The following RAD51B variants were observed in gnomAD, a reference collection of about 807,000 sequenced individuals.
RAD51B encodes DNA repair protein RAD51 homolog 2.
RAD51B carries 38 observed loss-of-function variants against 42.2 expected under a neutral mutation model. That is an observed-to-expected ratio of 0.90 (90% CI 0.70 to 1.18). The LOEUF (loss-of-function observed/expected upper bound fraction) is 1.18. Among genes scored for constraint, RAD51B ranks in the 50% most tolerant of loss-of-function variants. RAD51B has a pLI of 0.00. For synonymous variants in RAD51B, 154 were observed against 145.2 expected, an observed-to-expected ratio of 1.06 and a Z score of -0.43; for missense variants, 373 against 400.7, an observed-to-expected ratio of 0.93 and a Z score of 0.59.
intron 10 of RAD51B, among the ~76,000 whole-genome samples, chr14:68,586,730 T>G (rs1474521536): frequency 1.3e-5 from 2 of 152,126 alleles, no homozygotes; most frequent in African/African-American, 4.8e-5. Flanking sequence ...CATGGCCGGG[T>G]GCGGTGTTTC....
At chr14:68,043,382 G>A (rs909362970) in intron 7 of RAD51B, among the ~76,000 whole-genome samples, 5 of 152,154 alleles carry the variant, frequency 3.3e-5, no homozygotes, top group Admixed American at 6.5e-5. Context: ...GGAATATCTT[G>A]GGTGGAATTT....
intron 10 of RAD51B, among the ~76,000 whole-genome samples, chr14:68,544,022 T>C (rs1888098368): frequency 6.6e-6 from 1 of 152,198 alleles, no homozygotes; most frequent in Non-Finnish European, 1.5e-5. Flanking sequence ...ATTTCAATGG[T>C]ATTTGGCAGA....
At chr14:68,049,918 C>G (rs1300391885) in intron 7 of RAD51B, among the ~76,000 whole-genome samples, 1 of 152,194 alleles carries the variant, frequency 6.6e-6, no homozygotes, top group Non-Finnish European at 1.5e-5. Context: ...CAACCTTACA[C>G]TTTTATTTCC....
intron 4 of RAD51B, among the ~76,000 whole-genome samples, chr14:67,849,471 T>A (rs2077404324): frequency 6.6e-6 from 1 of 152,048 alleles, no homozygotes; most frequent in South Asian, 2.1e-4. Flanking sequence ...TTAGTAGAGA[T>A]GGGTTTTCAC....
intron 7 of RAD51B, among the ~76,000 whole-genome samples, chr14:67,890,661 A>G (rs185699505): frequency 7.4e-6 from 1 of 135,400 alleles, no homozygotes; most frequent in Admixed American, 8.7e-5. Flanking sequence ...TAATGACAGG[A>G]TTATATTTTC....
chr14:68,262,554 C>A (rs1048251646), intron 7 of RAD51B, among the ~76,000 whole-genome samples: 1 of 152,188 alleles, frequency 6.6e-6, no homozygotes, highest in African/African-American at 2.4e-5. Flanking sequence ...TTTTCACCTG[C>A]CCCCTGACCC....
intron 7 of RAD51B, among the ~76,000 whole-genome samples, chr14:68,037,353 T>C (rs1471520761): frequency 6.6e-6 from 1 of 150,802 alleles, no homozygotes; most frequent in Non-Finnish European, 1.5e-5. Context: ...CCCGAGTAGC[T>C]GGGATTACAG....
intron 4 of RAD51B, among the ~76,000 whole-genome samples, chr14:67,842,845 T>G (rs186234061): frequency 2.0e-5 from 3 of 152,320 alleles, no homozygotes; most frequent in Admixed American, 1.3e-4. Context: ...GTATGTTCAT[T>G]TCGATGCCTA....
chr14:68,154,394 G>A (rs972025728), intron 7 of RAD51B, among the ~76,000 whole-genome samples: 9 of 152,152 alleles, frequency 5.9e-5, no homozygotes, highest in Non-Finnish European at 1.0e-4. Flanking sequence ...CGTAAAAATA[G>A]GCATTATTCT....
At chr14:68,351,119 C>G (rs2082778307) in intron 8 of RAD51B, among the ~76,000 whole-genome samples, 1 of 152,138 alleles carries the variant, frequency 6.6e-6, no homozygotes, top group African/African-American at 2.4e-5. Flanking sequence ...GACATAGACC[C>G]TGCCCAAAAG....
At chr14:68,357,575 C>A (rs1423433949) in intron 8 of RAD51B, among the ~76,000 whole-genome samples, 1 of 152,014 alleles carries the variant, frequency 6.6e-6, no homozygotes, top group African/African-American at 2.4e-5. Context: ...CAGCTATAGC[C>A]TTACAAATTG....
At chr14:68,583,551 G>A (rs868053946) in intron 10 of RAD51B, among the ~76,000 whole-genome samples, 26 of 152,328 alleles carry the variant, frequency 1.7e-4, no homozygotes, top group African/African-American at 5.3e-4. Flanking sequence ...TTTAGAACCC[G>A]TGGACCCCTC....
At position 67,835,064 on chromosome 14, in the gene RAD51B, T is replaced by A; in HGVS notation, c.199-16T>A. On this transcript the variant is annotated splice_polypyrimidine_tract_variant and intron_variant, in intron 3 of 10. Coordinates refer to ENST00000471583, the MANE Select transcript of RAD51B (RefSeq NM_133510.4). ...ATATAGAGGTTGAAAAAAAACTTAATCATTTTCTTGTTTAGGCTTATGGGA... is the reference window on the plus strand; with the variant it reads ...ATATAGAGGTTGAAAAAAAACTTAAACATTTTCTTGTTTAGGCTTATGGGA... The A allele has an allele frequency of 6.4e-7, 1 of 1,572,840 alleles. No homozygotes were observed.
At chr14:67,921,394 G>C (rs1021564818) in intron 7 of RAD51B, among the ~76,000 whole-genome samples, 1 of 152,106 alleles carries the variant, frequency 6.6e-6, no homozygotes, top group African/African-American at 2.4e-5. Context: ...TTTAACAAGA[G>C]CTCTGGTAAT....
chr14:67,993,041 G>A (rs746049470), intron 7 of RAD51B, among the ~76,000 whole-genome samples: 7 of 152,050 alleles, frequency 4.6e-5, no homozygotes, highest in East Asian at 1.9e-4. Flanking sequence ...TCTGTTAATA[G>A]GCTCCATTTC....
intron 8 of RAD51B, among the ~76,000 whole-genome samples, chr14:68,345,651 GTTTC>G (rs1415883948): frequency 2.6e-5 from 4 of 151,126 alleles, no homozygotes; most frequent in East Asian, 3.9e-4. Context: ...AGCGTCAGGT[GTTTC>G]TTTCTTTTTT....
At chr14:68,165,152 C>G (rs114783152) in intron 7 of RAD51B, among the ~76,000 whole-genome samples, 2 of 151,986 alleles carry the variant, frequency 1.3e-5, no homozygotes, top group African/African-American at 4.8e-5. Context: ...TGGAGTAAAA[C>G]GGAGGGTTGT....
intron 7 of RAD51B, among the ~76,000 whole-genome samples, chr14:68,282,678 G>A (rs4264328): frequency 6.6e-6 from 1 of 152,142 alleles, no homozygotes; most frequent in Non-Finnish European, 1.5e-5. Context: ...TTTGTTCCTA[G>A]GCAGACCTTG....
At chr14:68,079,849 T>G (rs2076887070) in intron 7 of RAD51B, among the ~76,000 whole-genome samples, 1 of 152,246 alleles carries the variant, frequency 6.6e-6, no homozygotes, top group South Asian at 2.1e-4. Flanking sequence ...GTACTTGGTC[T>G]CACAGGCTCT....
Sources: gnomAD v4.1 joint callset for allele counts (sites outside exome capture counted in the v4.1 genomes callset) on GRCh38, gnomAD v4.1.1 for gene constraint, MANE v1.5 for transcripts, NCBI Gene and HGNC (gene_info 2026-07-23, HGNC 2026-07-21) for gene names.